The following FBXW11 variants were observed in gnomAD, a reference collection of about 807,000 sequenced individuals.
The protein encoded by FBXW11 is F-box/WD repeat-containing protein 11.
A neutral mutation model predicts 77.6 loss-of-function variants in FBXW11; 19 were observed. The ratio of observed to expected loss-of-function variants is 0.24; its 90% CI spans 0.17 to 0.36. The LOEUF is 0.36. Ranked by LOEUF, FBXW11 falls within the 10% of genes least tolerant of loss-of-function variation. FBXW11 has a pLI of 1.00. For missense variants in FBXW11, 334 were observed against 704.2 expected (o/e 0.47, Z 5.95); for synonymous variants, 235 against 249.4 (o/e 0.94, Z 0.54).
At chr5:171,971,377 C>T (rs1315471488) in intron 1 of FBXW11, among the ~76,000 whole-genome samples, 1 of 152,216 alleles carries the variant, frequency 6.6e-6, no homozygotes, top group African/African-American at 2.4e-5. Flanking sequence ...CAGAGTACTA[C>T]TATTACAAGC....
intron 7 of FBXW11, among the ~76,000 whole-genome samples, chr5:171,883,107 C>T (rs1197877004): frequency 1.3e-5 from 2 of 152,178 alleles, no homozygotes. Context: ...ACCGCAAATG[C>T]TGTTAATTCA....
intron 4 of FBXW11, 60 bp downstream of exon 4, chr5:171,910,512 T>A (rs1048291265): frequency 7.6e-6 from 9 of 1,178,824 alleles, no homozygotes; most frequent in Admixed American, 2.0e-5. Flanking sequence ...AATATCCACC[T>A]AGGTCCTTGG....
chr5:171,935,236 C>T (rs563341894), intron 2 of FBXW11, among the ~76,000 whole-genome samples: 1 of 152,298 alleles, frequency 6.6e-6, no homozygotes, highest in Non-Finnish European at 1.5e-5. Context: ...GGATTACAGG[C>T]GTGAGCCACC....
Position 171,872,862 on chromosome 5 carries a change from T to C in FBXW11, c.1340+10A>G. 6.2e-7 allele frequency: 1 copy of C among 1,606,434 alleles called. No individual in the cohort carries two copies. The highest frequency in any genetic ancestry group is 8.5e-7 in the Non-Finnish European group (1 of 1,173,348). ...CAGCCTGCTCTGTCAGCACACCAAC[T>C]TCTACCCACCTAATGGTATTATCTG... On this transcript the variant is annotated intron_variant, in intron 10 of 13. Transcript: ENST00000517395.
At chr5:171,993,944 T>C (rs1375059391) in intron 1 of FBXW11, among the ~76,000 whole-genome samples, 1 of 152,220 alleles carries the variant, frequency 6.6e-6, no homozygotes, top group Non-Finnish European at 1.5e-5. Flanking sequence ...TTTCAATCAT[T>C]GCAGAAAGTT....
chr5:171,914,678 G>A (rs2113953407), intron 2 of FBXW11, among the ~76,000 whole-genome samples: 1 of 152,296 alleles, frequency 6.6e-6, no homozygotes, highest in South Asian at 2.1e-4. Context: ...GTGGGAGTAA[G>A]GCTGAGGCTC....
At chr5:171,927,212 A>G (rs905941802) in intron 2 of FBXW11, among the ~76,000 whole-genome samples, 2 of 152,234 alleles carry the variant, frequency 1.3e-5, no homozygotes, top group Non-Finnish European at 2.9e-5. Flanking sequence ...TTCATTGAAA[A>G]CATTCAGAGA....
intron 2 of FBXW11, among the ~76,000 whole-genome samples, chr5:171,931,879 C>G (rs1163450522): frequency 2.5e-5 from 3 of 121,252 alleles, no homozygotes; most frequent in African/African-American, 6.1e-5. Context: ...CTCTCTCTCT[C>G]TCTCTCTCTC....
intron 1 of FBXW11, among the ~76,000 whole-genome samples, chr5:171,991,911 T>C (rs1299457286): frequency 6.6e-6 from 1 of 150,664 alleles, no homozygotes; most frequent in Non-Finnish European, 1.5e-5. Context: ...GGTCAGGAGT[T>C]CCAGACCAGT....
chr5:171,913,824 C>CACACACACACAT (rs1561677671), intron 3 of FBXW11, among the ~76,000 whole-genome samples: 3 of 102,912 alleles, frequency 2.9e-5, no homozygotes, highest in Admixed American at 1.0e-4. Flanking sequence ...CACATACACA[C>CACACACACACAT]ACACACACAC....
rs189613761 is a variant in FBXW11 at position 171,942,739 on chromosome 5, C to T, written c.147+14858G>A. Among the ~76,000 whole-genome samples, 524 of 152,270 alleles carry T rather than the reference C, an allele frequency of 3.4e-3. 3 individuals carry two copies. Among genetic ancestry groups the T allele is most frequent in the Non-Finnish European group, 5.7e-3 (386 of 68,022 alleles). ...ATCACCTGAGCCCAGGAGGTTGAGG[C>T]TGCAGTGGGCAGTGATCACACCACC... On this transcript the variant is annotated intron_variant, in intron 2 of 13. Transcript: ENST00000517395.
chr5:171,996,378 A>T (rs185432534), intron 1 of FBXW11, among the ~76,000 whole-genome samples: 23 of 152,350 alleles, frequency 1.5e-4, no homozygotes, highest in African/African-American at 4.3e-4. Context: ...TACAATAAAA[A>T]TAACTGAGTT....
At chr5:171,914,512 C>A in intron 2 of FBXW11, 107 bp from the exon 3 acceptor site, 1 of 905,144 alleles carries the variant, frequency 1.1e-6, no homozygotes, top group South Asian at 2.0e-5. Context: ...CAATACAAAC[C>A]CAAGAACTAT....
At chr5:171,878,603 AGTGTGT>A (rs34099380) in intron 7 of FBXW11, among the ~76,000 whole-genome samples, 53 of 128,578 alleles carry the variant, frequency 4.1e-4, no homozygotes, top group Middle Eastern at 7.8e-3. Context: ...AGAGAGAGAG[AGTGTGT>A]GTGTGTGTGT....
chr5:171,895,219 G>A (rs1432557336), intron 6 of FBXW11, among the ~76,000 whole-genome samples: 1 of 152,162 alleles, frequency 6.6e-6, no homozygotes, highest in Admixed American at 6.5e-5. Context: ...TTGAGAACTT[G>A]TAAAATCCCC....
chr5:171,894,058 G>C (rs985826035), intron 6 of FBXW11, among the ~76,000 whole-genome samples: 1 of 152,108 alleles, frequency 6.6e-6, no homozygotes, highest in Admixed American at 6.5e-5. Flanking sequence ...CCTAGAAGTG[G>C]GTGATGTGGT....
intron 2 of FBXW11, among the ~76,000 whole-genome samples, chr5:171,948,957 T>C (rs6555978): frequency 0.92 from 140,185 of 152,262 alleles, 64,684 homozygotes; most frequent in East Asian, 1. Context: ...AGGCATTGTG[T>C]TATCATTAAA....
At chr5:171,907,156 T>C (rs1451344125) in intron 4 of FBXW11, among the ~76,000 whole-genome samples, 1 of 152,224 alleles carries the variant, frequency 6.6e-6, no homozygotes, top group Admixed American at 6.5e-5. Flanking sequence ...TAGAAAGGCA[T>C]ATCATAATTA....
At chr5:171,937,589 A>G (rs985666472) in intron 2 of FBXW11, among the ~76,000 whole-genome samples, 2 of 152,260 alleles carry the variant, frequency 1.3e-5, no homozygotes, top group Admixed American at 1.3e-4. Flanking sequence ...TAATCCCAGC[A>G]TTTTGGGAGG....
Sources: allele counts gnomAD v4.1 joint callset (sites outside exome capture counted in the v4.1 genomes callset), GRCh38; gene constraint gnomAD v4.1.1; transcripts MANE v1.5; gene names NCBI Gene and HGNC (gene_info 2026-07-23, HGNC 2026-07-21).